Variants in HDAC9 observed in about 807,000 individuals in gnomAD.
The protein encoded by HDAC9 is histone deacetylase 9.
In HDAC9, 41 loss-of-function variants were observed where a neutral mutation model predicts 139.4. The ratio of observed to expected loss-of-function variants is 0.29; its 90% confidence interval spans 0.23 to 0.38. The LOEUF is 0.38. Among genes scored for constraint, HDAC9 ranks in the 10% least tolerant of loss-of-function variants. The pLI, the probability that HDAC9 is intolerant of heterozygous loss-of-function variation, is 1.00. For missense variants in HDAC9, 1,147 were observed against 1,297.0 expected, an observed-to-expected ratio of 0.88 and a Z score of 1.78; for synonymous variants, 517 against 476.2, an observed-to-expected ratio of 1.09 and a Z score of -1.12.
At chr7:18,464,842 C>T (rs1563014746) in intron 1 of HDAC9, among the ~76,000 whole-genome samples, 1 of 151,956 alleles carries the variant, frequency 6.6e-6, no homozygotes, top group Non-Finnish European at 1.5e-5. Context: ...AATTTATGTC[C>T]TCTAAGATTT....
chr7:18,923,139 T>G (rs1373828427), intron 22 of HDAC9, among the ~76,000 whole-genome samples: 1 of 152,104 alleles, frequency 6.6e-6, no homozygotes, highest in East Asian at 1.9e-4. Context: ...CTATAATACT[T>G]GTGATTGGGA....
intron 1 of HDAC9, among the ~76,000 whole-genome samples, chr7:18,299,237 T>G (rs567063113): frequency 6.7e-6 from 1 of 149,546 alleles, no homozygotes; most frequent in Admixed American, 6.6e-5. Flanking sequence ...TTTTTTTTTT[T>G]GCAACACTGC....
intron 24 of HDAC9, among the ~76,000 whole-genome samples, chr7:18,972,228 A>C (rs1367409594): frequency 1.3e-5 from 2 of 152,166 alleles, no homozygotes; most frequent in Admixed American, 6.5e-5. Context: ...CAGGAATAAA[A>C]CTTTCATAGC....
At chr7:18,149,619 C>T (rs963408944) in intron 1 of HDAC9, among the ~76,000 whole-genome samples, 31 of 151,810 alleles carry the variant, frequency 2.0e-4, no homozygotes, top group Non-Finnish European at 4.4e-4. Context: ...GGCTTGATCT[C>T]GGCTCACTGC....
intron 1 of HDAC9, among the ~76,000 whole-genome samples, chr7:18,446,389 A>T (rs1792296619): frequency 1.3e-5 from 2 of 152,236 alleles, no homozygotes; most frequent in Non-Finnish European, 1.5e-5. Flanking sequence ...GGTTTAAAAG[A>T]AGAAAGTGTT....
intron 6 of HDAC9, among the ~76,000 whole-genome samples, chr7:18,594,348 A>C (rs148502437): frequency 1.4e-3 from 216 of 152,270 alleles, no homozygotes; most frequent in African/African-American, 4.9e-3. Flanking sequence ...TCCATTAGAT[A>C]GGGCCTCTGT....
At chr7:18,700,592 C>A (rs1026259865) in intron 12 of HDAC9, among the ~76,000 whole-genome samples, 1 of 152,162 alleles carries the variant, frequency 6.6e-6, no homozygotes, top group Non-Finnish European at 1.5e-5. Context: ...AACAAATCAG[C>A]CCAAAACATA....
At chr7:18,684,957 T>A (rs947737734) in intron 12 of HDAC9, among the ~76,000 whole-genome samples, 23 of 152,158 alleles carry the variant, frequency 1.5e-4, no homozygotes, top group Non-Finnish European at 2.8e-4. Context: ...TTCTGTAACA[T>A]GATCCTCTCT....
intron 2 of HDAC9, among the ~76,000 whole-genome samples, chr7:18,544,840 A>C (rs1193261577): frequency 6.6e-6 from 1 of 152,234 alleles, no homozygotes; most frequent in African/African-American, 2.4e-5. Context: ...CCATGATGCT[A>C]TTCCTTGGCA....
intron 22 of HDAC9, among the ~76,000 whole-genome samples, chr7:18,906,272 GTAGCTGGGAT>G (rs1802254139): frequency 6.6e-6 from 1 of 151,924 alleles, no homozygotes; most frequent in Non-Finnish European, 1.5e-5. Context: ...AGCCTCCCAA[GTAGCTGGGAT>G]TACAGGCACT....
chr7:18,622,946 C>A (rs1299598797), intron 6 of HDAC9, among the ~76,000 whole-genome samples: 1 of 151,772 alleles, frequency 6.6e-6, no homozygotes, highest in South Asian at 2.1e-4. Context: ...GAATTTGAGA[C>A]CAGCTTGGAC....
chr7:18,794,722 A>G (rs1200223151), intron 17 of HDAC9, among the ~76,000 whole-genome samples: 2 of 152,216 alleles, frequency 1.3e-5, no homozygotes, highest in African/African-American at 2.4e-5. Flanking sequence ...AATTCTTCCT[A>G]TTTGAGTGCT....
chr7:18,764,797 T>C (rs1171710273), intron 15 of HDAC9, among the ~76,000 whole-genome samples: 1 of 152,184 alleles, frequency 6.6e-6, no homozygotes, highest in African/African-American at 2.4e-5. Flanking sequence ...AGATGTCTTT[T>C]CTGAGTTAAA....
At chr7:18,659,034 A>G (rs375639094) in intron 11 of HDAC9, among the ~76,000 whole-genome samples, 55 of 152,072 alleles carry the variant, frequency 3.6e-4, no homozygotes, top group African/African-American at 1.3e-3. Context: ...TTTAATAATC[A>G]TATTCAAACA....
chr7:18,178,325 T>A (rs1789115137), intron 2 of HDAC9, among the ~76,000 whole-genome samples: 1 of 152,232 alleles, frequency 6.6e-6, no homozygotes, highest in Admixed American at 6.5e-5. Context: ...CCTCAGGCAA[T>A]CTGCATGCCT....
chr7:18,787,035 A>T (rs1479997146), intron 16 of HDAC9, among the ~76,000 whole-genome samples: 1 of 152,014 alleles, frequency 6.6e-6, no homozygotes, highest in Non-Finnish European at 1.5e-5. Context: ...AAAGTGTTCT[A>T]CGTAATTCTC....
At chr7:18,195,756 T>C (rs1036878761) in intron 2 of HDAC9, among the ~76,000 whole-genome samples, 1 of 152,172 alleles carries the variant, frequency 6.6e-6, no homozygotes, top group African/African-American at 2.4e-5. Flanking sequence ...TTTAATCCTC[T>C]TTTTTGCAGC....
At chr7:18,549,430 C>G (rs1816340952) in intron 2 of HDAC9, among the ~76,000 whole-genome samples, 1 of 152,120 alleles carries the variant, frequency 6.6e-6, no homozygotes, top group African/African-American at 2.4e-5. Flanking sequence ...AATAGTTAAA[C>G]AAACTGTGTG....
At chr7:18,831,295 C>T (rs1795839899) in intron 19 of HDAC9, among the ~76,000 whole-genome samples, 2 of 152,290 alleles carry the variant, frequency 1.3e-5, no homozygotes, top group East Asian at 1.9e-4. Flanking sequence ...GCTAAAATGC[C>T]TCCCTTGTGA....
Sources: allele counts gnomAD v4.1 joint callset (sites outside exome capture counted in the v4.1 genomes callset), GRCh38; gene constraint gnomAD v4.1.1; transcripts MANE v1.5; gene names NCBI Gene and HGNC (gene_info 2026-07-23, HGNC 2026-07-21).